SPOCK3: variants seen among roughly 807,000 people sequenced by gnomAD.
SPOCK3 encodes the protein testican-3.
Under a neutral mutation model 56.6 loss-of-function variants are expected in SPOCK3, and 30 were observed. The ratio of observed to expected loss-of-function variants is 0.53; its 90% CI spans 0.40 to 0.72. The LOEUF (loss-of-function observed/expected upper bound fraction) is 0.72. Ranked by LOEUF, SPOCK3 falls within the 30% of genes least tolerant of loss-of-function variation. The pLI, the probability that SPOCK3 is intolerant of heterozygous loss-of-function variation, is 0.00. For missense variants in SPOCK3, 527 were observed against 530.0 expected (o/e 0.99, Z 0.06); for synonymous variants, 196 against 183.3 (o/e 1.07, Z -0.56).
chr4:167,121,836 T>C (rs1761887934), intron 2 of SPOCK3, among the ~76,000 whole-genome samples: 1 of 152,102 alleles, frequency 6.6e-6, no homozygotes, highest in Admixed American at 6.6e-5. Context: ...CCCTATGAAA[T>C]AATAATTCAG....
intron 7 of SPOCK3, among the ~76,000 whole-genome samples, chr4:166,773,299 A>C (rs1032924764): frequency 6.6e-6 from 1 of 152,240 alleles, no homozygotes; most frequent in Non-Finnish European, 1.5e-5. Flanking sequence ...TTTGTAAGTT[A>C]TCTATGTTGC....
intron 2 of SPOCK3, among the ~76,000 whole-genome samples, chr4:167,225,035 A>C (rs1294642499): frequency 6.6e-6 from 1 of 152,240 alleles, no homozygotes; most frequent in East Asian, 1.9e-4. Context: ...AACAGTTATG[A>C]AAACAGAATA....
intron 6 of SPOCK3, among the ~76,000 whole-genome samples, chr4:166,842,352 G>C (rs1284357159): frequency 6.6e-6 from 1 of 152,186 alleles, no homozygotes; most frequent in Non-Finnish European, 1.5e-5. Flanking sequence ...ACAGAGAGCT[G>C]ATTGGTCCCT....
chr4:167,191,905 G>A (rs374879610), intron 2 of SPOCK3, among the ~76,000 whole-genome samples: 5 of 145,106 alleles, frequency 3.4e-5, no homozygotes, highest in East Asian at 4.2e-4. Flanking sequence ...ATATAAGGTT[G>A]GCCACAAGCT....
intron 4 of SPOCK3, among the ~76,000 whole-genome samples, chr4:166,969,103 A>G (rs2150070718): frequency 6.6e-6 from 1 of 152,264 alleles, no homozygotes; most frequent in Middle Eastern, 3.4e-3. Flanking sequence ...TTGGAATGGG[A>G]GTAATTACCA....
intron 6 of SPOCK3, among the ~76,000 whole-genome samples, chr4:166,885,043 C>A (rs1004869891): frequency 6.6e-6 from 1 of 152,024 alleles, no homozygotes; most frequent in South Asian, 2.1e-4. Flanking sequence ...GTAGGAATTA[C>A]AAACCACAGG....
intron 3 of SPOCK3, among the ~76,000 whole-genome samples, chr4:167,044,051 C>T (rs1753487018): frequency 6.6e-6 from 1 of 151,938 alleles, no homozygotes; most frequent in South Asian, 2.1e-4. Context: ...TTTGAACTCA[C>T]CAGTATATCC....
intron 2 of SPOCK3, among the ~76,000 whole-genome samples, chr4:167,228,033 C>T (rs966627579): frequency 6.6e-6 from 1 of 152,014 alleles, no homozygotes; most frequent in African/African-American, 2.4e-5. Context: ...GAAAACCTAA[C>T]CAGGAAAAGA....
chr4:166,902,975 A>G (rs1478173403), intron 5 of SPOCK3, among the ~76,000 whole-genome samples: 2 of 150,624 alleles, frequency 1.3e-5, no homozygotes, highest in Admixed American at 1.3e-4. Flanking sequence ...AAGTATTTAA[A>G]ATACAAATCT....
chr4:167,009,341 A>T (rs971303887), intron 3 of SPOCK3, among the ~76,000 whole-genome samples: 15 of 152,154 alleles, frequency 9.9e-5, no homozygotes, highest in African/African-American at 3.6e-4. Context: ...TTAATTAAAT[A>T]AGAAAGCCCA....
intron 2 of SPOCK3, among the ~76,000 whole-genome samples, chr4:167,076,049 A>G (rs1410925076): frequency 6.6e-6 from 1 of 151,938 alleles, no homozygotes; most frequent in African/African-American, 2.4e-5. Context: ...AAGTTACTCT[A>G]TGAAGGCTGT....
chr4:166,903,280 TGAG>T (rs1220052130), intron 5 of SPOCK3, among the ~76,000 whole-genome samples: 3 of 151,834 alleles, frequency 2.0e-5, no homozygotes, highest in Non-Finnish European at 4.4e-5. Context: ...AAGTATATAT[TGAG>T]GCTTCCAAGT....
intron 3 of SPOCK3, among the ~76,000 whole-genome samples, chr4:167,007,205 C>G (rs1402610569): frequency 1.3e-5 from 2 of 152,064 alleles, no homozygotes; most frequent in Non-Finnish European, 2.9e-5. Flanking sequence ...AGTATATATA[C>G]AGTCATCCTT....
chr4:166,802,270 C>T (rs1439624078), intron 6 of SPOCK3, among the ~76,000 whole-genome samples: 1 of 151,842 alleles, frequency 6.6e-6, no homozygotes, highest in East Asian at 1.9e-4. Context: ...CAAGCAGAGG[C>T]TCAAGACATT....
intron 6 of SPOCK3, among the ~76,000 whole-genome samples, chr4:166,850,947 G>A (rs1462906441): frequency 2.0e-5 from 3 of 152,224 alleles, no homozygotes; most frequent in East Asian, 1.9e-4. Flanking sequence ...CAGGAAGCTC[G>A]AACTGGGTGG....
chr4:166,796,062 G>A (rs2126670416), intron 6 of SPOCK3, among the ~76,000 whole-genome samples: 1 of 152,244 alleles, frequency 6.6e-6, no homozygotes, highest in East Asian at 1.9e-4. Context: ...CAAGAGGAAG[G>A]CCATCTATGA....
intron 2 of SPOCK3, among the ~76,000 whole-genome samples, chr4:167,109,047 TAA>T (rs1246242561): frequency 1.3e-3 from 4 of 3,052 alleles, no homozygotes; most frequent in African/African-American, 6.6e-3. Context: ...TATACTTATA[TAA>T]AAATATATAT....
intron 4 of SPOCK3, among the ~76,000 whole-genome samples, chr4:166,914,074 A>C (rs201805207): frequency 6.6e-6 from 1 of 152,134 alleles, no homozygotes; most frequent in African/African-American, 2.4e-5. Flanking sequence ...TTAAAAAAAA[A>C]AAACCATTCT....
chr4:167,199,730 TA>T (rs1733335361), intron 2 of SPOCK3, among the ~76,000 whole-genome samples: 1 of 144,142 alleles, frequency 6.9e-6, no homozygotes, highest in Non-Finnish European at 1.5e-5. Context: ...ATAATAATAA[TA>T]ATAATAACTT....
Sources: allele counts gnomAD v4.1 joint callset (sites outside exome capture counted in the v4.1 genomes callset), GRCh38; gene constraint gnomAD v4.1.1; transcripts MANE v1.5; gene names NCBI Gene and HGNC (gene_info 2026-07-23, HGNC 2026-07-21).